Variants in PHF21B observed in about 807,000 individuals in gnomAD.
PHF21B encodes PHD finger protein 4.
In PHF21B, 22 loss-of-function variants were observed where a neutral mutation model predicts 62.2. The observed-to-expected ratio is 0.35, with a 90% CI of 0.25 to 0.51. The LOEUF (loss-of-function observed/expected upper bound fraction) is 0.51. Ranked by LOEUF, PHF21B falls within the 20% of genes least tolerant of loss-of-function variation. The pLI is 0.97. For missense variants in PHF21B, 701 were observed against 707.9 expected, an observed-to-expected ratio of 0.99 and a Z score of 0.11; for synonymous variants, 341 against 314.7, an observed-to-expected ratio of 1.08 and a Z score of -0.88.
At position 44,927,070 on chromosome 22, in the gene PHF21B, G is replaced by A. The variant is rs181528883; in HGVS notation, c.121-6580C>T. On this transcript the variant is annotated intron_variant, in intron 2 of 12. Coordinates refer to ENST00000313237, the MANE Select transcript of PHF21B (RefSeq NM_138415.5). ...GCCCTTACTTTAGGAATTCACAGCCGGGGACAGGGAAAGGAGGGGAGACCC... is the reference window on the plus strand; with the variant it reads ...GCCCTTACTTTAGGAATTCACAGCCAGGGACAGGGAAAGGAGGGGAGACCC... Among the ~76,000 whole-genome samples, 219 of 152,152 alleles carry A rather than the reference G, an allele frequency of 1.4e-3. 7 individuals carry two copies. The highest frequency in any genetic ancestry group is 0.014 in the Admixed American group (213 of 15,290).
At chr22:44,912,878 CAAAA>C (rs3087031) in intron 5 of PHF21B, among the ~76,000 whole-genome samples, 18 of 45,602 alleles carry the variant, frequency 3.9e-4, no homozygotes, top group African/African-American at 1.7e-3. Flanking sequence ...GACTCTATCT[CAAAA>C]AAAAAAAAAA....
chr22:44,925,534 A>G (rs2071612262), intron 2 of PHF21B, among the ~76,000 whole-genome samples: 1 of 152,134 alleles, frequency 6.6e-6, no homozygotes, highest in African/African-American at 2.4e-5. Context: ...GTCTCTCTGC[A>G]TGGAACCAAA....
intron 2 of PHF21B, among the ~76,000 whole-genome samples, chr22:44,996,897 C>T (rs540513805): frequency 2.6e-5 from 4 of 152,200 alleles, no homozygotes; most frequent in African/African-American, 4.8e-5. Flanking sequence ...CATACACAAA[C>T]GTGTGCACAC....
chr22:44,923,388 A>G (rs561540494), intron 2 of PHF21B, among the ~76,000 whole-genome samples: 33 of 152,162 alleles, frequency 2.2e-4, no homozygotes, highest in African/African-American at 7.7e-4. Flanking sequence ...GACCAAAACT[A>G]TAAAACTGCT....
At chr22:44,975,542 G>C (rs1226158767) in intron 2 of PHF21B, among the ~76,000 whole-genome samples, 3 of 152,230 alleles carry the variant, frequency 2.0e-5, no homozygotes, top group African/African-American at 7.2e-5. Context: ...ACAGCAGAGA[G>C]GGTTTTCTAA....
intron 2 of PHF21B, among the ~76,000 whole-genome samples, chr22:44,989,846 G>A (rs1313309194): frequency 6.6e-6 from 1 of 152,124 alleles, no homozygotes; most frequent in African/African-American, 2.4e-5. Flanking sequence ...CCAACCTCAG[G>A]TGATCCACCT....
At chr22:44,942,405 C>T (rs1569243095) in intron 2 of PHF21B, among the ~76,000 whole-genome samples, 1 of 152,184 alleles carries the variant, frequency 6.6e-6, no homozygotes, top group Non-Finnish European at 1.5e-5. Flanking sequence ...GCAGGGATCT[C>T]GCCAATTCCT....
At chr22:44,972,019 G>A (rs1239158680) in intron 2 of PHF21B, among the ~76,000 whole-genome samples, 2 of 152,194 alleles carry the variant, frequency 1.3e-5, no homozygotes, top group Non-Finnish European at 2.9e-5. Context: ...CTCAGGACAG[G>A]GTCACCCATA....
intron 2 of PHF21B, among the ~76,000 whole-genome samples, chr22:44,966,088 C>T (rs899012976): frequency 3.3e-5 from 5 of 152,206 alleles, no homozygotes; most frequent in Non-Finnish European, 7.4e-5. Context: ...CACAGCTCAA[C>T]TCTCCTCCTC....
chr22:44,916,707 G>A, intron 3 of PHF21B, 77 bp from the exon 4 acceptor site: 1 of 1,301,090 alleles, frequency 7.7e-7, no homozygotes, highest in Non-Finnish European at 1.1e-6. Context: ...CTGGCTCGGA[G>A]ACTTCCTATA....
At chr22:44,925,366 A>G (rs943415500) in intron 2 of PHF21B, among the ~76,000 whole-genome samples, 3 of 152,150 alleles carry the variant, frequency 2.0e-5, no homozygotes, top group African/African-American at 4.8e-5. Context: ...CCTAGAATGA[A>G]TATCATCCAT....
rs2070809725 is a variant in PHF21B at position 44,884,400 on chromosome 22, AT to A, written c.1377+1025del. On this transcript the variant is annotated intron_variant, in intron 12 of 12. Transcript: ENST00000313237. ...CACCACCATCACGGTGATGAGCACC[AT>A]CACCACCATCACCACCACCATGATC... is the stretch of plus-strand genomic sequence containing the variant. 6.5e-5 allele frequency among the ~76,000 whole-genome samples: 3 copies of A among 46,464 alleles called. 1 individual carries two copies. The highest frequency in any genetic ancestry group is 1.6e-4 in the Non-Finnish European group (3 of 18,422). The allele number at this position is 46,464 out of a possible 152,430, so 30.5% of individuals were successfully genotyped here. A position where few individuals can be genotyped will look rare whatever the true frequency, so the allele number is the denominator to read the frequency against.
chr22:44,923,936 A>C (rs564369230), intron 2 of PHF21B, among the ~76,000 whole-genome samples: 1 of 151,902 alleles, frequency 6.6e-6, no homozygotes, highest in East Asian at 1.9e-4. Flanking sequence ...ACTTTAGGCC[A>C]GGAGGTTGAG....
intron 2 of PHF21B, among the ~76,000 whole-genome samples, chr22:44,936,548 G>A (rs532271752): frequency 1.4e-4 from 22 of 152,196 alleles, no homozygotes; most frequent in African/African-American, 4.8e-4. Context: ...GTGAGCCCTT[G>A]CAAGTGGCTA....
chr22:44,901,532 G>A (rs867626821), intron 5 of PHF21B: 1 of 230,080 alleles, frequency 4.3e-6, no homozygotes, highest in South Asian at 1.6e-4. Flanking sequence ...GCCTCCTGTA[G>A]GTTTCACTTA....
chr22:44,988,670 G>T (rs2072993991), intron 2 of PHF21B, among the ~76,000 whole-genome samples: 1 of 152,172 alleles, frequency 6.6e-6, no homozygotes, highest in African/African-American at 2.4e-5. Flanking sequence ...GAATGCCAGG[G>T]AAAGAAAAGT....
intron 5 of PHF21B, among the ~76,000 whole-genome samples, chr22:44,903,633 G>A (rs775074755): frequency 6.6e-6 from 1 of 152,176 alleles, no homozygotes; most frequent in South Asian, 2.1e-4. Flanking sequence ...GTGTTCTGCA[G>A]ATTTTGTCAA....
intron 2 of PHF21B, among the ~76,000 whole-genome samples, chr22:44,951,798 G>T (rs2072200044): frequency 2.6e-5 from 4 of 152,178 alleles, no homozygotes; most frequent in Admixed American, 2.6e-4. Flanking sequence ...GCACCCAGGA[G>T]TGGAACTCCT....
chr22:44,976,297 A>C (rs2072737445), intron 2 of PHF21B, among the ~76,000 whole-genome samples: 1 of 152,212 alleles, frequency 6.6e-6, no homozygotes, highest in African/African-American at 2.4e-5. Context: ...CGCCTCATAC[A>C]TTTATTATTT....
Sources: gnomAD v4.1 joint callset for allele counts (sites outside exome capture counted in the v4.1 genomes callset) on GRCh38, gnomAD v4.1.1 for gene constraint, MANE v1.5 for transcripts, NCBI Gene and HGNC (gene_info 2026-07-23, HGNC 2026-07-21) for gene names.